FANCB: variants seen among roughly 807,000 people sequenced by gnomAD.
The protein encoded by FANCB is FA complementation group B.
In FANCB, 5 loss-of-function variants were observed where a neutral mutation model predicts 38.9. The ratio of observed to expected loss-of-function variants is 0.13; its 90% CI spans 0.07 to 0.27. FANCB has a LOEUF of 0.27. Among genes scored for constraint, FANCB ranks in the 10% least tolerant of loss-of-function variants. The pLI is 1.00. For missense variants in FANCB, 573 were observed against 602.7 expected, an observed-to-expected ratio of 0.95 and a Z score of 0.52; for synonymous variants, 236 against 215.4, an observed-to-expected ratio of 1.10 and a Z score of -0.84.
At chrX:14,824,505 G>A in the FANCB span, among the ~76,000 whole-genome samples, 4 of 111,810 alleles carry the variant, frequency 3.6e-5, no homozygotes, top group African/African-American at 6.5e-5. Flanking sequence ...TTCCTTCAGA[G>A]GCTATTACAT....
the FANCB span, among the ~76,000 whole-genome samples, chrX:14,805,965 G>T: frequency 8.9e-6 from 1 of 112,127 alleles, no homozygotes; most frequent in South Asian, 3.7e-4. Flanking sequence ...TCTAAACATT[G>T]GTGAGTAGGA....
At chrX:14,750,751 T>C in the FANCB span, among the ~76,000 whole-genome samples, 3 of 110,946 alleles carry the variant, frequency 2.7e-5, no homozygotes, top group East Asian at 8.5e-4. Context: ...ACATCAAAGG[T>C]TTTTATAGCT....
chrX:14,812,048 C>G, the FANCB span, among the ~76,000 whole-genome samples: 2 of 111,313 alleles, frequency 1.8e-5, no homozygotes, highest in Non-Finnish European at 3.8e-5. Context: ...ACTGAACAAC[C>G]TGCTCCTGAA....
the FANCB span, among the ~76,000 whole-genome samples, chrX:14,748,864 G>T: frequency 8.9e-6 from 1 of 111,963 alleles, no homozygotes; most frequent in African/African-American, 3.2e-5. Flanking sequence ...AGAACGAAGG[G>T]CTCCTGACTC....
chrX:14,834,514 TGGTCAGTCACCCA>T (rs1299997254), downstream of FANCB: 1 of 502,781 alleles, frequency 2.0e-6, no homozygotes, highest in Non-Finnish European at 3.6e-6. Flanking sequence ...AATAGCCTCC[TGGTCAGTCACCCA>T]GAAGCAATTC....
At chrX:14,689,788 A>C in the FANCB span, among the ~76,000 whole-genome samples, 7 of 112,305 alleles carry the variant, frequency 6.2e-5, no homozygotes, top group African/African-American at 2.3e-4. Context: ...TCTAGGATCC[A>C]ATATTTTATA....
At chrX:14,818,318 T>C in the FANCB span, among the ~76,000 whole-genome samples, 1 of 107,338 alleles carries the variant, frequency 9.3e-6, no homozygotes, top group South Asian at 4.2e-4. Context: ...GGCAGATCTC[T>C]TGGGCTGGAC....
At chrX:14,857,322 G>A (rs1410713226) in intron 5 of FANCB, among the ~76,000 whole-genome samples, 1 of 112,218 alleles carries the variant, frequency 8.9e-6, no homozygotes, top group Admixed American at 9.4e-5. Context: ...AGGGCAAAGT[G>A]TTAAAATTGG....
the FANCB span, among the ~76,000 whole-genome samples, chrX:14,710,189 T>G: frequency 1.8e-5 from 2 of 111,906 alleles, no homozygotes; most frequent in African/African-American, 6.5e-5. Context: ...AGTGATTGAG[T>G]TCTCAGTTCT....
chrX:14,809,197 C>T, the FANCB span, among the ~76,000 whole-genome samples: 7 of 112,373 alleles, frequency 6.2e-5, no homozygotes, highest in East Asian at 1.1e-3. Flanking sequence ...AGGGAGCTAG[C>T]AGCCAAGATG....
the FANCB span, among the ~76,000 whole-genome samples, chrX:14,706,300 C>T: frequency 8.9e-6 from 1 of 111,987 alleles, no homozygotes; most frequent in African/African-American, 3.2e-5. Context: ...TTCACTAGCA[C>T]ATTAAAGCTT....
At chrX:14,723,180 T>C in the FANCB span, among the ~76,000 whole-genome samples, 3 of 112,121 alleles carry the variant, frequency 2.7e-5, no homozygotes, top group Non-Finnish European at 5.6e-5. Flanking sequence ...ATGTCTCAAG[T>C]GCACCTCAAT....
the FANCB span, among the ~76,000 whole-genome samples, chrX:14,769,214 T>C: frequency 9.0e-6 from 1 of 111,719 alleles, no homozygotes; most frequent in Non-Finnish European, 1.9e-5. Context: ...TTTCAATCTA[T>C]TGGAGTAGTT....
the FANCB span, among the ~76,000 whole-genome samples, chrX:14,773,283 T>C: frequency 3.6e-5 from 4 of 112,649 alleles, no homozygotes; most frequent in Admixed American, 1.9e-4. Flanking sequence ...CTAGGATGCA[T>C]GCATGCCTTG....
At chrX:14,759,048 G>T in the FANCB span, among the ~76,000 whole-genome samples, 1 of 111,467 alleles carries the variant, frequency 9.0e-6, no homozygotes, top group South Asian at 3.7e-4. Context: ...TGGAAACAAA[G>T]AACACACTTA....
At chrX:14,761,646 G>A in the FANCB span, among the ~76,000 whole-genome samples, 107 of 111,458 alleles carry the variant, frequency 9.6e-4, 1 homozygote, top group Middle Eastern at 4.6e-3. Flanking sequence ...GCAGATCAGG[G>A]AAGGGTGCAG....
At chrX:14,735,416 T>C in the FANCB span, among the ~76,000 whole-genome samples, 1 of 112,047 alleles carries the variant, frequency 8.9e-6, no homozygotes, top group Non-Finnish European at 1.9e-5. Flanking sequence ...ATGGGGTTTC[T>C]GTGTGGATGT....
chrX:14,835,699 G>C (rs745746278), downstream of FANCB, among the ~76,000 whole-genome samples: 1 of 111,859 alleles, frequency 8.9e-6, no homozygotes, highest in South Asian at 3.7e-4. Context: ...AGGCTGCCCA[G>C]GGTCTCTCAA....
chrX:14,758,291 C>T, the FANCB span, among the ~76,000 whole-genome samples: 12 of 111,958 alleles, frequency 1.1e-4, no homozygotes, highest in African/African-American at 3.2e-4. Context: ...CCTGTGCTGA[C>T]AGCAGAAGAC....
Sources: allele counts gnomAD v4.1 joint callset (sites outside exome capture counted in the v4.1 genomes callset), GRCh38; gene constraint gnomAD v4.1.1; transcripts MANE v1.5; gene names NCBI Gene and HGNC (gene_info 2026-07-23, HGNC 2026-07-21).